The following RAPGEF1 variants were observed in gnomAD, a reference collection of about 807,000 sequenced individuals.
The protein encoded by RAPGEF1 is CRK SH3-binding GNRP.
A neutral mutation model predicts 143.3 loss-of-function variants in RAPGEF1; 33 were observed. That is an observed-to-expected ratio of 0.23 (90% CI 0.17 to 0.31). The LOEUF is 0.31. RAPGEF1 is among the 10% of genes least tolerant of loss of function. RAPGEF1 has a pLI of 1.00. For synonymous variants in RAPGEF1, 629 were observed against 676.5 expected (o/e 0.93, Z 1.09); for missense variants, 1,199 against 1,645.4 (o/e 0.73, Z 4.69).
chr9:131,633,653 C>T (rs1482844390), intron 5 of RAPGEF1, among the ~76,000 whole-genome samples: 1 of 151,924 alleles, frequency 6.6e-6, no homozygotes, highest in Non-Finnish European at 1.5e-5. Flanking sequence ...TCAAAGATGA[C>T]GTCATGATCC....
chr9:131,701,126 A>G (rs529255237), intron 1 of RAPGEF1, among the ~76,000 whole-genome samples: 5 of 152,306 alleles, frequency 3.3e-5, no homozygotes, highest in African/African-American at 1.2e-4. Flanking sequence ...AAAGTGATTA[A>G]AGTGGGCACT....
chr9:131,704,408 A>C (rs1034922638), intron 1 of RAPGEF1, among the ~76,000 whole-genome samples: 8 of 151,752 alleles, frequency 5.3e-5, no homozygotes, highest in Non-Finnish European at 1.2e-4. Context: ...TGCCACCCCC[A>C]GCCCCACCTG....
At chr9:131,723,292 C>T (rs991048846) in intron 1 of RAPGEF1, among the ~76,000 whole-genome samples, 7 of 152,118 alleles carry the variant, frequency 4.6e-5, no homozygotes, top group Admixed American at 3.9e-4. Context: ...GTACACATAA[C>T]ATTTGCCATC....
chr9:131,615,136 G>C (rs942870636), intron 12 of RAPGEF1, among the ~76,000 whole-genome samples: 4 of 152,176 alleles, frequency 2.6e-5, no homozygotes, highest in Admixed American at 2.0e-4. Context: ...GCAGTGGCGC[G>C]ATCTCCACTC....
intron 26 of RAPGEF1, 84 bp from the exon 27 acceptor site, chr9:131,579,731 G>T: frequency 6.9e-7 from 1 of 1,441,402 alleles, no homozygotes; most frequent in Non-Finnish European, 9.5e-7. Context: ...AAGGTGCCGC[G>T]GGGACCATCC....
At position 131,607,890 on chromosome 9, in the gene RAPGEF1, T is replaced by C. The variant is rs191662547; in HGVS notation, c.2062-2702A>G. On this transcript the variant is annotated intron_variant, in intron 12 of 26. Transcript: ENST00000683357. The stretch of plus-strand genomic sequence containing the variant: ...ACATACACAAATGGCTTTTGTGTCA[T>C]CACAAAATGTACCAAGTTGGAGAAG... Among the ~76,000 whole-genome samples the C allele has an allele frequency of 2.0e-3, 308 of 152,334 alleles. 2 individuals carry two copies. Among genetic ancestry groups the C allele is most frequent in the African/African-American group, 6.8e-3 (284 of 41,570 alleles).
rs778617868 is a variant in RAPGEF1 at position 131,629,241 on chromosome 9, G to C, written c.754C>G (p.Pro252Ala). Residue 252 changes from proline to alanine, a missense_variant, in exon 7 of 27, where the codon CCC becomes GCC. Pro to Ala is a conservative substitution (Grantham distance 27, BLOSUM62 -1). Coordinates refer to ENST00000683357, the MANE Select transcript of RAPGEF1 (RefSeq NM_001377935.1). ...ASKPDGPAEL[P>A]LTDREVEILN... ...ATCTCTACCTCGCGGTCTGTCAGGG[G>C]GAGCTCTGCTGGGCTGGAGAATTGG... 8 of 1,613,796 alleles carry C rather than the reference G, an allele frequency of 5.0e-6. No homozygotes were observed. Among genetic ancestry groups the C allele is most frequent in the South Asian group, 4.4e-5 (4 of 91,064 alleles).
intron 5 of RAPGEF1, 84 bp downstream of exon 5, chr9:131,638,551 A>G (rs953471823): frequency 2.0e-6 from 3 of 1,484,602 alleles, no homozygotes; most frequent in Admixed American, 3.5e-5. Flanking sequence ...TTTGAAGGTC[A>G]GGAGCAAGCT....
At chr9:131,627,581 C>T (rs192936352) in intron 9 of RAPGEF1, among the ~76,000 whole-genome samples, 23 of 152,258 alleles carry the variant, frequency 1.5e-4, no homozygotes, top group African/African-American at 5.5e-4. Context: ...GTTGTCAGGA[C>T]CCCCACCCCT....
At chr9:131,714,866 C>T (rs1407030033) in intron 1 of RAPGEF1, among the ~76,000 whole-genome samples, 1 of 152,106 alleles carries the variant, frequency 6.6e-6, no homozygotes, top group African/African-American at 2.4e-5. Flanking sequence ...TGCCACCATG[C>T]CTGGTTAATT....
rs141463918 is a variant in RAPGEF1, at chr9:131,630,206, C to T, written c.740+30G>A. On this transcript the variant is annotated intron_variant, in intron 6 of 26. Transcript: ENST00000683357. ...GCAGACTTTGCCACTGAGCGTGACA[C>T]CCGCGACACGAGGGTTAGTCAGCAC... The T allele has an allele frequency of 2.3e-4, 377 of 1,607,494 alleles. 1 individual carries two copies. The African/African-American group carries it at 4.3e-3, about 18-fold the overall frequency.
intron 9 of RAPGEF1, among the ~76,000 whole-genome samples, chr9:131,627,486 G>A (rs143965901): frequency 6.6e-6 from 1 of 152,202 alleles, no homozygotes; most frequent in Admixed American, 6.5e-5. Flanking sequence ...CAGCAGACTC[G>A]GAGGGGCCCG....
chr9:131,669,209 T>A (rs1323741589), intron 1 of RAPGEF1, among the ~76,000 whole-genome samples: 6 of 152,178 alleles, frequency 3.9e-5, no homozygotes, highest in African/African-American at 1.4e-4. Flanking sequence ...CAGGCCACCC[T>A]CTGGGCCTCC....
rs79973933 is a variant in RAPGEF1, at chr9:131,581,153, C to T, written c.3513-762G>A. 8.1e-3 allele frequency among the ~76,000 whole-genome samples: 1,194 copies of T among 147,184 alleles called. 17 individuals are homozygous for T. Among genetic ancestry groups the T allele is most frequent in the African/African-American group, 0.029 (1,142 of 39,886 alleles). ...AGAACTCCAGCCTGGGTAACAAGAA[C>T]GTAACTCTGTCTCAAAAAAAGAAAA... On this transcript the variant is annotated intron_variant, in intron 25 of 26. Transcript: ENST00000683357.
At chr9:131,622,207 G>A (rs4740297) in intron 10 of RAPGEF1, among the ~76,000 whole-genome samples, 5,974 of 152,202 alleles carry the variant, frequency 0.039, 242 homozygotes, top group East Asian at 0.09. Flanking sequence ...ACCGGCAGAC[G>A]CGCAACACCA....
intron 1 of RAPGEF1, among the ~76,000 whole-genome samples, chr9:131,731,885 G>A (rs536128220): frequency 4.6e-5 from 7 of 152,218 alleles, no homozygotes; most frequent in Non-Finnish European, 1.0e-4. Flanking sequence ...TACAGGAGTC[G>A]TGGTGTTCCG....
At chr9:131,606,358 G>T (rs1957109362) in intron 12 of RAPGEF1, among the ~76,000 whole-genome samples, 1 of 152,196 alleles carries the variant, frequency 6.6e-6, no homozygotes, top group African/African-American at 2.4e-5. Flanking sequence ...CCATCATGGG[G>T]AGCTGGGAGA....
intron 6 of RAPGEF1, 79 bp downstream of exon 6, chr9:131,630,157 C>G (rs889463669): frequency 7.6e-7 from 1 of 1,317,662 alleles, no homozygotes; most frequent in Non-Finnish European, 1.1e-6. Context: ...CTGCCCACCC[C>G]ACCGGGCCCT....
At chr9:131,644,566 A>G (rs1481340461) in intron 3 of RAPGEF1, among the ~76,000 whole-genome samples, 1 of 152,226 alleles carries the variant, frequency 6.6e-6, no homozygotes, top group Non-Finnish European at 1.5e-5. Context: ...GAGGGCAAGA[A>G]GATAATTTCT....
Sources: gnomAD v4.1 joint callset for allele counts (sites outside exome capture counted in the v4.1 genomes callset) on GRCh38, gnomAD v4.1.1 for gene constraint, MANE v1.5 for transcripts, NCBI Gene and HGNC (gene_info 2026-07-23, HGNC 2026-07-21) for gene names.